Variants in UBE3C observed in about 807,000 individuals in gnomAD.
UBE3C encodes ubiquitin-protein ligase E3C.
In UBE3C, 42 loss-of-function variants were observed where a neutral mutation model predicts 129.4. The ratio of observed to expected loss-of-function variants is 0.32; its 90% CI spans 0.25 to 0.42. The LOEUF (loss-of-function observed/expected upper bound fraction) is 0.42. UBE3C is among the 10% of genes least tolerant of loss of function. UBE3C has a pLI of 1.00. For missense variants in UBE3C, 1,049 were observed against 1,319.1 expected (o/e 0.80, Z 3.17); for synonymous variants, 510 against 492.4 (o/e 1.04, Z -0.47).
chr7:157,208,989 C>T (rs1294945578), intron 13 of UBE3C, among the ~76,000 whole-genome samples: 2 of 152,222 alleles, frequency 1.3e-5, no homozygotes, highest in African/African-American at 4.8e-5. Context: ...TCAGCTGTCC[C>T]TTTGGGTCTT....
intron 8 of UBE3C, among the ~76,000 whole-genome samples, 192 bp from the exon 9 acceptor site, chr7:157,183,686 G>C (rs1808729394): frequency 6.6e-6 from 1 of 152,194 alleles, no homozygotes; most frequent in South Asian, 2.1e-4. Flanking sequence ...GAAATTACAA[G>C]AGTTGTAGGT....
chr7:157,208,303 T>C (rs989667259), intron 13 of UBE3C, among the ~76,000 whole-genome samples: 1 of 152,138 alleles, frequency 6.6e-6, no homozygotes, highest in African/African-American at 2.4e-5. Flanking sequence ...CTCAAATTCC[T>C]GGCCTCATGG....
At chr7:157,174,399 C>T (rs1808459602) in intron 4 of UBE3C, among the ~76,000 whole-genome samples, 1 of 152,058 alleles carries the variant, frequency 6.6e-6, no homozygotes, top group Admixed American at 6.5e-5. Flanking sequence ...GTTTTAGTTA[C>T]TAATTTAGTA....
At chr7:157,196,197 A>G (rs1809116555) in intron 10 of UBE3C, among the ~76,000 whole-genome samples, 1 of 152,234 alleles carries the variant, frequency 6.6e-6, no homozygotes, top group African/African-American at 2.4e-5. Flanking sequence ...TGGAATGACA[A>G]GGAAATAAAT....
At chr7:157,192,507 G>T in intron 10 of UBE3C, 1 of 760,140 alleles carries the variant, frequency 1.3e-6, no homozygotes, top group Admixed American at 1.7e-5. Context: ...ATCTTTGCTG[G>T]CAAGCAACTG....
chr7:157,182,041 T>C, intron 7 of UBE3C, 67 bp from the exon 8 acceptor site: 1 of 1,431,366 alleles, frequency 7.0e-7, no homozygotes, highest in Non-Finnish European at 9.4e-7. Context: ...TGAAAGGTGA[T>C]TTTAATCAGT....
chr7:157,193,760 G>A (rs1809040362), intron 10 of UBE3C, among the ~76,000 whole-genome samples: 1 of 150,548 alleles, frequency 6.6e-6, no homozygotes, highest in Non-Finnish European at 1.5e-5. Flanking sequence ...CCTCACACAT[G>A]GTTGTCTGTT....
At chr7:157,246,591 G>T (rs1327957960) in intron 18 of UBE3C, among the ~76,000 whole-genome samples, 4 of 152,094 alleles carry the variant, frequency 2.6e-5, no homozygotes, top group Admixed American at 2.0e-4. Flanking sequence ...GGATAAAGAG[G>T]GTCTGGGTCT....
intron 1 of UBE3C, among the ~76,000 whole-genome samples, chr7:157,156,713 T>TAA (rs555689452): frequency 1.6e-4 from 22 of 140,520 alleles, no homozygotes; most frequent in African/African-American, 1.3e-4. Context: ...CCCTTCTTTT[T>TAA]AAAAAAAAAA....
intron 17 of UBE3C, among the ~76,000 whole-genome samples, chr7:157,226,631 T>G (rs542998807): frequency 6.6e-6 from 1 of 152,342 alleles, no homozygotes; most frequent in East Asian, 1.9e-4. Context: ...CTAATAATTT[T>G]TATTGCTTAC....
intron 18 of UBE3C, among the ~76,000 whole-genome samples, chr7:157,240,951 A>G (rs997869270): frequency 2.0e-5 from 3 of 152,188 alleles, no homozygotes; most frequent in African/African-American, 7.2e-5. Flanking sequence ...TCAGGAGCTA[A>G]AATCTTGAAT....
intron 18 of UBE3C, among the ~76,000 whole-genome samples, chr7:157,245,206 G>A (rs1796443670): frequency 6.6e-6 from 1 of 152,284 alleles, no homozygotes; most frequent in South Asian, 2.1e-4. Context: ...GTCACAGTGG[G>A]ATTTCTGTTT....
rs147426071 is a variant in UBE3C, at chr7:157,171,318, G to A, written c.342+868G>A. Reference sequence around the variant, plus strand: ...AATTTTTGTATTTTTAGTAGAGACAGGGTTTCACCATGTTGGCCAGGCTAG... The same window carrying A: ...AATTTTTGTATTTTTAGTAGAGACAAGGTTTCACCATGTTGGCCAGGCTAG... On this transcript the variant is annotated intron_variant, in intron 4 of 22. Transcript: ENST00000348165. Among the ~76,000 whole-genome samples, 2,130 of 151,806 alleles carry A rather than the reference G, an allele frequency of 0.014. 116 individuals carry two copies. The East Asian group carries it at 0.16, about 11-fold the overall frequency.
intron 2 of UBE3C, 134 bp downstream of exon 2, chr7:157,163,997 A>G (rs939887763): frequency 1.7e-5 from 14 of 813,558 alleles, no homozygotes; most frequent in Middle Eastern, 3.8e-4. Context: ...ATGTGTGTTT[A>G]GCTTTAGAAA....
chr7:157,225,937 C>T (rs1046164263), intron 17 of UBE3C, among the ~76,000 whole-genome samples: 3 of 152,090 alleles, frequency 2.0e-5, no homozygotes, highest in African/African-American at 7.2e-5. Flanking sequence ...GCAGTAGAGC[C>T]AGACCCAGTC....
rs1356051268 is a variant in UBE3C at position 157,241,273 on chromosome 7, GA to G, written c.2482-7090del. Among the ~76,000 whole-genome samples the G allele has an allele frequency of 2.6e-5, 4 of 152,218 alleles. No individual in the cohort carries two copies. In the East Asian group the frequency reaches 7.7e-4, roughly 29 times the overall value. ...AGACCAGGAGCACAAAAAACAAAAG[GA>G]AAAATGAACTGGACTTAAAAATGTT... On this transcript the variant is annotated intron_variant, in intron 18 of 22. Coordinates refer to ENST00000348165, the MANE Select transcript of UBE3C (RefSeq NM_014671.3).
At chr7:157,198,459 C>A (rs17837723) in intron 10 of UBE3C, 27,732 of 493,014 alleles carry the variant, frequency 0.056, 3,834 homozygotes, top group African/African-American at 0.37. Flanking sequence ...AGGCCACAGC[C>A]TGGAAGATCT....
chr7:157,265,030 TTC>T lies in UBE3C; in HGVS notation c.3082-2553_3082-2552del, dbSNP rs562257628. ...CCATCATGTGATTTACCAGTTTACT[TTC>T]TGTTTTTTAGTTGTTTACAGCTCTT... is the stretch of plus-strand genomic sequence containing the variant. On this transcript the variant is annotated intron_variant, in intron 22 of 22. Transcript: ENST00000348165. Among the ~76,000 whole-genome samples the T allele has an allele frequency of 2.2e-4, 34 of 152,332 alleles. No individual in the cohort carries two copies. The East Asian group carries it at 6.0e-3, about 27-fold the overall frequency.
chr7:157,175,136 A>AATT (rs1808481529), intron 5 of UBE3C, 102 bp downstream of exon 5: 190 of 372,452 alleles, frequency 5.1e-4, no homozygotes, highest in Non-Finnish European at 6.0e-4. Context: ...GCTTTTCCAT[A>AATT]CTTTTTTTTT....
Sources: allele counts gnomAD v4.1 joint callset (sites outside exome capture counted in the v4.1 genomes callset), GRCh38; gene constraint gnomAD v4.1.1; transcripts MANE v1.5; gene names NCBI Gene and HGNC (gene_info 2026-07-23, HGNC 2026-07-21).